CCNY: variants seen among roughly 807,000 people sequenced by gnomAD.
The protein encoded by CCNY is cyclin-Y.
Under a neutral mutation model 42.8 loss-of-function variants are expected in CCNY, and 19 were observed. The observed-to-expected ratio is 0.44, with a 90% confidence interval of 0.31 to 0.65. The LOEUF (loss-of-function observed/expected upper bound fraction) is 0.65, where lower values mean the gene tolerates loss of function less well. CCNY is among the 30% of genes least tolerant of loss of function. The pLI is 0.07. For synonymous variants in CCNY, 165 were observed against 162.7 expected, an observed-to-expected ratio of 1.01 and a Z score of -0.11; for missense variants, 370 against 437.3, an observed-to-expected ratio of 0.85 and a Z score of 1.37.
chr10:35,282,733 AAAAAG>A (rs1443012116), intron 3 of CCNY, among the ~76,000 whole-genome samples: 4 of 151,426 alleles, frequency 2.6e-5, no homozygotes, highest in Admixed American at 6.6e-5. Flanking sequence ...AAAAAAAAAA[AAAAAG>A]AAAAGAAAAG....
At chr10:35,440,266 A>C (rs570899983) in intron 1 of CCNY, among the ~76,000 whole-genome samples, 32 of 152,258 alleles carry the variant, frequency 2.1e-4, no homozygotes, top group African/African-American at 7.5e-4. Context: ...TTCAGCTTTT[A>C]TCTGAGATAA....
At chr10:35,542,829 A>G (rs1841031922) in intron 7 of CCNY, among the ~76,000 whole-genome samples, 1 of 152,234 alleles carries the variant, frequency 6.6e-6, no homozygotes, top group African/African-American at 2.4e-5. Flanking sequence ...GGTGGCATCT[A>G]TTCAGTGATG....
At chr10:35,384,206 G>A (rs185506143) in intron 1 of CCNY, among the ~76,000 whole-genome samples, 8 of 152,166 alleles carry the variant, frequency 5.3e-5, no homozygotes, top group African/African-American at 1.9e-4. Context: ...GACAATGACG[G>A]GGATTAAAAA....
At chr10:35,398,402 A>G (rs1394026007) in intron 1 of CCNY, among the ~76,000 whole-genome samples, 1 of 152,194 alleles carries the variant, frequency 6.6e-6, no homozygotes, top group Admixed American at 6.5e-5. Context: ...CATGGCGGAG[A>G]TTCGGAAATG....
At chr10:35,463,385 T>C (rs998046553) in intron 1 of CCNY, among the ~76,000 whole-genome samples, 1 of 152,226 alleles carries the variant, frequency 6.6e-6, no homozygotes, top group Non-Finnish European at 1.5e-5. Context: ...TCAGTAACAA[T>C]GGACGTAGAA....
At chr10:35,333,850 G>A (rs1835974880), upstream of CCNY, among the ~76,000 whole-genome samples, 1 of 152,102 alleles carries the variant, frequency 6.6e-6, no homozygotes, top group African/African-American at 2.4e-5. Context: ...TATCTGCCTG[G>A]AGGAGTTTGA....
At chr10:35,511,416 G>A (rs1388678557) in intron 3 of CCNY, among the ~76,000 whole-genome samples, 2 of 152,214 alleles carry the variant, frequency 1.3e-5, no homozygotes, top group African/African-American at 2.4e-5. Context: ...TGGTCTGGTG[G>A]TAGGAAGGCA....
chr10:35,265,258 C>T (rs771803394), intron 3 of CCNY, among the ~76,000 whole-genome samples: 6 of 152,242 alleles, frequency 3.9e-5, no homozygotes, highest in East Asian at 1.9e-4. Context: ...TGACCTATTG[C>T]GATGGACATA....
chr10:35,452,259 T>C (rs1470009147), intron 1 of CCNY, among the ~76,000 whole-genome samples: 1 of 152,212 alleles, frequency 6.6e-6, no homozygotes, highest in Non-Finnish European at 1.5e-5. Flanking sequence ...GCTCAAGTGA[T>C]TGGAGTGATT....
Position 35,300,627 on chromosome 10 carries a change from C to T in CCNY, c.-9+50001C>T, listed in dbSNP as rs140929452. The stretch of plus-strand genomic sequence containing the variant: ...ATTTATTTTTTATGTATCATTGCCA[C>T]ATGGTTCATTAAAAATCTATGTTTA... On this transcript the variant is annotated intron_variant, in intron 3 of 11. Coordinates refer to the CCNY transcript ENST00000374706. 3.3e-3 allele frequency among the ~76,000 whole-genome samples: 506 copies of T among 152,194 alleles called. 2 individuals are homozygous for T. The highest frequency in any genetic ancestry group is 5.3e-3 in the Non-Finnish European group (358 of 68,024).
chr10:35,286,363 T>A (rs1565064453), intron 3 of CCNY, among the ~76,000 whole-genome samples: 1 of 144,404 alleles, frequency 6.9e-6, no homozygotes, highest in African/African-American at 2.5e-5. Context: ...TTTACCATAC[T>A]TTTTTTTTTT....
chr10:35,472,922 A>G (rs1839419042), intron 1 of CCNY, among the ~76,000 whole-genome samples: 1 of 152,240 alleles, frequency 6.6e-6, no homozygotes, highest in Non-Finnish European at 1.5e-5. Flanking sequence ...AGAATTGAAC[A>G]TAATACCTAG....
intron 3 of CCNY, among the ~76,000 whole-genome samples, chr10:35,293,010 C>T (rs1271735939): frequency 6.6e-6 from 1 of 151,876 alleles, no homozygotes; most frequent in Non-Finnish European, 1.5e-5. Context: ...AAACTCCTGA[C>T]CTCAGGTGAT....
intron 3 of CCNY, among the ~76,000 whole-genome samples, chr10:35,295,658 G>T (rs1835463348): frequency 6.6e-6 from 1 of 151,880 alleles, no homozygotes; most frequent in Non-Finnish European, 1.5e-5. Flanking sequence ...TTGTCATTTT[G>T]TGTCTGGCTT....
At chr10:35,284,528 T>G (rs936621209) in intron 3 of CCNY, among the ~76,000 whole-genome samples, 1 of 152,188 alleles carries the variant, frequency 6.6e-6, no homozygotes, top group African/African-American at 2.4e-5. Context: ...TTTGTCAGTC[T>G]TTCCAGAAGT....
At chr10:35,554,192 G>C (rs992127887) in intron 8 of CCNY, among the ~76,000 whole-genome samples, 2 of 152,032 alleles carry the variant, frequency 1.3e-5, no homozygotes, top group Non-Finnish European at 2.9e-5. Context: ...CTGCAGACTC[G>C]TGGGCATGTG....
At chr10:35,544,405 C>T (rs562512377) in intron 7 of CCNY, among the ~76,000 whole-genome samples, 14 of 152,312 alleles carry the variant, frequency 9.2e-5, no homozygotes, top group African/African-American at 3.4e-4. Flanking sequence ...TACAGGTTTG[C>T]AGTCTTGGAG....
intron 3 of CCNY, among the ~76,000 whole-genome samples, chr10:35,270,877 C>A (rs1835156488): frequency 1.3e-5 from 2 of 151,886 alleles, no homozygotes; most frequent in South Asian, 4.2e-4. Flanking sequence ...AGGCGCCCGC[C>A]ACCACACCCG....
At chr10:35,554,629 C>T (rs1841326810) in intron 8 of CCNY, among the ~76,000 whole-genome samples, 1 of 152,114 alleles carries the variant, frequency 6.6e-6, no homozygotes, top group Admixed American at 6.5e-5. Flanking sequence ...GACTTCCTGG[C>T]TGTCCCCTCC....
Sources: gnomAD v4.1 joint callset for allele counts (sites outside exome capture counted in the v4.1 genomes callset) on GRCh38, gnomAD v4.1.1 for gene constraint, MANE v1.5 for transcripts, NCBI Gene and HGNC (gene_info 2026-07-23, HGNC 2026-07-21) for gene names.